The following CDH12 variants were observed in gnomAD, a reference collection of about 807,000 sequenced individuals.
The protein encoded by CDH12 is cadherin-12.
In CDH12, 41 loss-of-function variants were observed where a neutral mutation model predicts 74.1. The observed-to-expected ratio is 0.55, with a 90% CI of 0.43 to 0.72. The LOEUF is 0.72. Ranked by LOEUF, CDH12 falls within the 30% of genes least tolerant of loss-of-function variation. CDH12 has a pLI of 0.00. For missense variants in CDH12, 945 were observed against 977.2 expected (o/e 0.97, Z 0.44); for synonymous variants, 399 against 355.0 (o/e 1.12, Z -1.39).
intron 5 of CDH12, among the ~76,000 whole-genome samples, chr5:22,069,267 C>G (rs764810965): frequency 7.2e-5 from 11 of 152,100 alleles, no homozygotes; most frequent in Admixed American, 3.9e-4. Flanking sequence ...TCCAAAGCAG[C>G]TAGCTTGAAG....
At chr5:22,336,157 G>A (rs956624834) in intron 3 of CDH12, among the ~76,000 whole-genome samples, 5 of 152,190 alleles carry the variant, frequency 3.3e-5, no homozygotes, top group African/African-American at 1.2e-4. Context: ...ACTTGAGAGA[G>A]ATAATTTAGG....
At chr5:22,011,747 C>T (rs1202932088) in intron 5 of CDH12, among the ~76,000 whole-genome samples, 1 of 151,924 alleles carries the variant, frequency 6.6e-6, no homozygotes, top group Non-Finnish European at 1.5e-5. Flanking sequence ...CAAAGTCTTA[C>T]TGAAAAAAGA....
At chr5:22,031,559 G>T (rs928748901) in intron 5 of CDH12, among the ~76,000 whole-genome samples, 1 of 152,020 alleles carries the variant, frequency 6.6e-6, no homozygotes, top group East Asian at 1.9e-4. Context: ...AGCCTATCTC[G>T]CCTTTTAATG....
chr5:22,119,865 T>C (rs1201377729), intron 4 of CDH12, among the ~76,000 whole-genome samples: 1 of 152,142 alleles, frequency 6.6e-6, no homozygotes, highest in Non-Finnish European at 1.5e-5. Context: ...GATAAGTGAT[T>C]TCCATTGTTA....
intron 1 of CDH12, among the ~76,000 whole-genome samples, chr5:22,782,686 C>T (rs1747442170): frequency 6.6e-6 from 1 of 152,048 alleles, no homozygotes; most frequent in South Asian, 2.1e-4. Flanking sequence ...ATAAATTTGA[C>T]TTCAGTTTGA....
intron 5 of CDH12, among the ~76,000 whole-genome samples, chr5:21,988,668 T>C (rs1757621895): frequency 6.6e-6 from 1 of 151,722 alleles, no homozygotes; most frequent in East Asian, 1.9e-4. Context: ...AAAAAAGCGG[T>C]GGGAAAAGCA....
chr5:22,186,731 A>T (rs1749973508), intron 4 of CDH12, among the ~76,000 whole-genome samples: 1 of 152,182 alleles, frequency 6.6e-6, no homozygotes, highest in South Asian at 2.1e-4. Flanking sequence ...TTGGCCTCCC[A>T]AAGTGCTGGG....
At chr5:21,976,123 ATGAT>A (rs1309500268) in intron 5 of CDH12, among the ~76,000 whole-genome samples, 1 of 152,204 alleles carries the variant, frequency 6.6e-6, no homozygotes, top group East Asian at 1.9e-4. Context: ...GTTTACCACT[ATGAT>A]TGGTAGAATC....
intron 1 of CDH12, among the ~76,000 whole-genome samples, chr5:22,726,720 A>G (rs1744182177): frequency 1.3e-5 from 2 of 151,902 alleles, no homozygotes; most frequent in African/African-American, 4.8e-5. Flanking sequence ...CAATAGCTCT[A>G]TGCTTATCAC....
chr5:22,582,136 G>T (rs1740137566), intron 1 of CDH12, among the ~76,000 whole-genome samples: 1 of 152,024 alleles, frequency 6.6e-6, no homozygotes, highest in Non-Finnish European at 1.5e-5. Context: ...TAATCCTCCT[G>T]TTGCTCCCAA....
At chr5:22,816,523 T>C (rs56877985) in intron 1 of CDH12, among the ~76,000 whole-genome samples, 3,578 of 152,266 alleles carry the variant, frequency 0.023, 146 homozygotes, top group African/African-American at 0.083. Context: ...ACATGAACCA[T>C]AGAGGAAAGT....
At chr5:22,244,804 A>AAAG (rs1561251421) in intron 3 of CDH12, among the ~76,000 whole-genome samples, 16 of 120,260 alleles carry the variant, frequency 1.3e-4, no homozygotes, top group African/African-American at 4.4e-4. Context: ...AAGAAAGAAA[A>AAAG]ATTCAAAGTA....
intron 3 of CDH12, among the ~76,000 whole-genome samples, chr5:22,303,688 T>A (rs2150421778): frequency 6.6e-6 from 1 of 152,288 alleles, no homozygotes; most frequent in African/African-American, 2.4e-5. Flanking sequence ...TTTGAAGAGA[T>A]TTCTGCCACT....
At chr5:22,430,031 C>A (rs1057024395) in intron 2 of CDH12, among the ~76,000 whole-genome samples, 1 of 152,142 alleles carries the variant, frequency 6.6e-6, no homozygotes, top group Non-Finnish European at 1.5e-5. Flanking sequence ...ATGGTAACTA[C>A]CATTTGCATG....
intron 1 of CDH12, among the ~76,000 whole-genome samples, chr5:22,721,436 T>G (rs1282658749): frequency 6.6e-6 from 1 of 152,256 alleles, no homozygotes; most frequent in Non-Finnish European, 1.5e-5. Context: ...CAGCATTTAC[T>G]TAATGCCTGT....
At chr5:21,963,021 A>G (rs566127524) in intron 6 of CDH12, among the ~76,000 whole-genome samples, 3 of 152,140 alleles carry the variant, frequency 2.0e-5, no homozygotes, top group East Asian at 3.9e-4. Flanking sequence ...TTCCTTTCCT[A>G]TACAAATTTC....
At chr5:22,589,044 G>C (rs1352663460) in intron 1 of CDH12, among the ~76,000 whole-genome samples, 1 of 151,974 alleles carries the variant, frequency 6.6e-6, no homozygotes, top group East Asian at 1.9e-4. Flanking sequence ...AGATTTTGTG[G>C]TGTATATTTC....
chr5:21,914,488 TATATATAC>T (rs1180156708), intron 6 of CDH12, among the ~76,000 whole-genome samples: 1 of 152,128 alleles, frequency 6.6e-6, no homozygotes, highest in African/African-American at 2.4e-5. Flanking sequence ...ACATACAGTG[TATATATAC>T]ATATATACAT....
At chr5:22,351,272 G>T (rs1740344971) in intron 3 of CDH12, among the ~76,000 whole-genome samples, 1 of 152,150 alleles carries the variant, frequency 6.6e-6, no homozygotes, top group Non-Finnish European at 1.5e-5. Flanking sequence ...ACAAACAATG[G>T]AAGCAAATAA....
Sources: allele counts gnomAD v4.1 joint callset (sites outside exome capture counted in the v4.1 genomes callset), GRCh38; gene constraint gnomAD v4.1.1; transcripts MANE v1.5; gene names NCBI Gene and HGNC (gene_info 2026-07-23, HGNC 2026-07-21).